The following MINDY2 variants were observed in gnomAD, a reference collection of about 807,000 sequenced individuals.
MINDY2 encodes ubiquitin carboxyl-terminal hydrolase MINDY-2.
MINDY2 carries 52 observed loss-of-function variants against 68.2 expected under a neutral mutation model. That is an observed-to-expected ratio of 0.76 (90% CI 0.61 to 0.96). The LOEUF is 0.96. Among genes scored for constraint, MINDY2 ranks in the 40% least tolerant of loss-of-function variants. The pLI is 0.00. For synonymous variants in MINDY2, 372 were observed against 303.0 expected, an observed-to-expected ratio of 1.23 and a Z score of -2.36; for missense variants, 881 against 773.4, an observed-to-expected ratio of 1.14 and a Z score of -1.65.
chr15:58,789,643 GTTTTTGTTT>G (rs1355065031), intron 2 of MINDY2, among the ~76,000 whole-genome samples: 1 of 151,210 alleles, frequency 6.6e-6, no homozygotes, highest in African/African-American at 2.4e-5. Context: ...TTTTTGGTTT[GTTTTTGTTT>G]TTTTTGTTTT....
chr15:58,819,227 T>C (rs1004846660), intron 4 of MINDY2, among the ~76,000 whole-genome samples: 8 of 152,232 alleles, frequency 5.3e-5, no homozygotes, highest in Non-Finnish European at 7.4e-5. Context: ...GATGGGAGAA[T>C]TGCTTGAGCC....
At chr15:58,776,504 G>A (rs1329309142) in intron 1 of MINDY2, among the ~76,000 whole-genome samples, 3 of 152,182 alleles carry the variant, frequency 2.0e-5, no homozygotes, top group East Asian at 1.9e-4. Flanking sequence ...GAAAGAGAAT[G>A]TAATAAAAAT....
chr15:58,823,522 A>C (rs1163665528), intron 5 of MINDY2, among the ~76,000 whole-genome samples: 1 of 151,838 alleles, frequency 6.6e-6, no homozygotes, highest in African/African-American at 2.4e-5. Flanking sequence ...AAATAAAAAT[A>C]AAAAATTAGC....
chr15:58,795,992 A>G (rs1902257892), intron 2 of MINDY2: 1 of 426,714 alleles, frequency 2.3e-6, no homozygotes, highest in African/African-American at 2.0e-5. Context: ...ATACTGGAGA[A>G]TACTCTCTTT....
intron 6 of MINDY2, among the ~76,000 whole-genome samples, chr15:58,844,699 C>T (rs534646): frequency 6.6e-6 from 1 of 151,470 alleles, no homozygotes; most frequent in Non-Finnish European, 1.5e-5. Flanking sequence ...GGTGGATCAT[C>T]TGAGGTCAGG....
At chr15:58,844,929 A>G in intron 6 of MINDY2, among the ~76,000 whole-genome samples, 1 of 149,416 alleles carries the variant, frequency 6.7e-6, no homozygotes, top group East Asian at 2.0e-4. Context: ...TAAAAAAAAA[A>G]AAAAAAAAAA....
chr15:58,829,730 A>G (rs1475812447), intron 5 of MINDY2, among the ~76,000 whole-genome samples: 1 of 152,352 alleles, frequency 6.6e-6, no homozygotes, highest in African/African-American at 2.4e-5. Context: ...CAAGTATTCA[A>G]TGAATTTCTT....
At chr15:58,832,292 T>A (rs1159965133) in intron 6 of MINDY2, among the ~76,000 whole-genome samples, 1 of 151,338 alleles carries the variant, frequency 6.6e-6, no homozygotes. Flanking sequence ...AATGGCGTGA[T>A]CTCGGCTCAC....
intron 5 of MINDY2, among the ~76,000 whole-genome samples, chr15:58,829,858 T>G (rs1218381265): frequency 6.6e-6 from 1 of 152,222 alleles, no homozygotes; most frequent in African/African-American, 2.4e-5. Context: ...AGTACTATGG[T>G]TTGACACTAA....
Position 58,837,813 on chromosome 15 carries a change from A to T in MINDY2, c.1368+5897A>T, listed in dbSNP as rs112970180. On this transcript the variant is annotated intron_variant, in intron 6 of 8. Coordinates refer to ENST00000559228, the MANE Select transcript of MINDY2 (RefSeq NM_001040450.3). ...AGACCTTGTCTGTACAAAAAACTTTAAAAAAATTAGCCAGGCATGGTGGTG... is the reference window on the plus strand; with the variant it reads ...AGACCTTGTCTGTACAAAAAACTTTTAAAAAATTAGCCAGGCATGGTGGTG... 1.7e-3 allele frequency among the ~76,000 whole-genome samples: 261 copies of T among 151,862 alleles called. 3 individuals are homozygous for T. Among genetic ancestry groups the T allele is most frequent in the African/African-American group, 6.1e-3 (251 of 41,412 alleles).
At chr15:58,804,355 A>G (rs1394481826) in intron 3 of MINDY2, among the ~76,000 whole-genome samples, 2 of 152,224 alleles carry the variant, frequency 1.3e-5, no homozygotes, top group East Asian at 1.9e-4. Context: ...TATGAAATTT[A>G]TATCATTTCT....
At chr15:58,822,263 A>G (rs1437914222) in intron 5 of MINDY2, among the ~76,000 whole-genome samples, 3 of 152,150 alleles carry the variant, frequency 2.0e-5, no homozygotes, top group Non-Finnish European at 2.9e-5. Context: ...AAAAAAAAAA[A>G]AAGAAGAAGA....
intron 3 of MINDY2, among the ~76,000 whole-genome samples, chr15:58,808,279 T>C (rs138365113): frequency 6.6e-6 from 1 of 152,318 alleles, no homozygotes; most frequent in African/African-American, 2.4e-5. Flanking sequence ...TCTGTGGATT[T>C]TGAAAAATGT....
Position 58,771,936 on chromosome 15 carries a change from A to C in MINDY2, c.541A>C (p.Asn181His). 1 of 1,554,682 alleles carries C rather than the reference A, an allele frequency of 6.4e-7. No homozygotes were observed. Among genetic ancestry groups the C allele is most frequent in the Non-Finnish European group, 8.7e-7 (1 of 1,152,226 alleles). Residue 181 changes from asparagine to histidine, a missense_variant, in exon 1 of 9, where the codon AAC becomes CAC. Asn to His is a moderately conservative substitution (Grantham distance 68). Transcript: ENST00000559228. ...CCTGGACTCTCTGGAGTCGTTCTCT[A>C]ACCTGCATTCTTTTCCCAGTAGCTG... ...PSLDSLESFS[N>H]LHSFPSSCEF...
intron 4 of MINDY2, chr15:58,815,372 A>G (rs2030610342): frequency 6.6e-6 from 1 of 152,002 alleles, no homozygotes; most frequent in South Asian, 2.1e-4. Flanking sequence ...TTTTTTTGAG[A>G]CAGAGTCTCT....
intron 8 of MINDY2, 59 bp from the exon 9 acceptor site, chr15:58,854,423 C>T (rs1164969350): frequency 6.4e-7 from 1 of 1,560,590 alleles, no homozygotes; most frequent in African/African-American, 1.4e-5. Flanking sequence ...TTCTAGATAA[C>T]CATGAGTAAG....
chr15:58,835,427 TGAATCACTTG>T (rs1348359250), intron 6 of MINDY2, among the ~76,000 whole-genome samples: 1 of 151,910 alleles, frequency 6.6e-6, no homozygotes, highest in African/African-American at 2.4e-5. Flanking sequence ...CCGAGGCGGG[TGAATCACTTG>T]AGGTCAGGAG....
At chr15:58,797,581 A>C (rs1284710327) in intron 2 of MINDY2, among the ~76,000 whole-genome samples, 1 of 152,176 alleles carries the variant, frequency 6.6e-6, no homozygotes, top group Non-Finnish European at 1.5e-5. Context: ...AGAAAATTTA[A>C]AATTACATTT....
chr15:58,772,253 C>T lies in MINDY2; in HGVS notation c.840+18C>T, dbSNP rs1448429745. On this transcript the variant is annotated intron_variant, in intron 1 of 8. Transcript: ENST00000559228. The stretch of plus-strand genomic sequence containing the variant: ...CCTGGAAGGTACATTCTGCAGCTTT[C>T]TACTTCCTACAGCTTTTGGGGTGGA... The T allele has an allele frequency of 6.2e-7, 1 of 1,606,140 alleles. No individual in the cohort carries two copies. The highest frequency in any genetic ancestry group is 2.2e-5 in the East Asian group (1 of 44,896).
Sources: gnomAD v4.1 joint callset for allele counts (sites outside exome capture counted in the v4.1 genomes callset) on GRCh38, gnomAD v4.1.1 for gene constraint, MANE v1.5 for transcripts, NCBI Gene and HGNC (gene_info 2026-07-23, HGNC 2026-07-21) for gene names.